The following SRRM1 variants were observed in gnomAD, a reference collection of about 807,000 sequenced individuals.
The protein encoded by SRRM1 is serine and arginine repetitive matrix 1, also known as serine/arginine repetitive matrix protein 1.
SRRM1 carries 19 observed loss-of-function variants against 110.2 expected under a neutral mutation model. That is an observed-to-expected ratio of 0.17 (90% confidence interval 0.12 to 0.25). SRRM1 has a LOEUF of 0.25. SRRM1 is among the 10% of genes least tolerant of loss of function. The pLI is 1.00. For missense variants in SRRM1, 918 were observed against 1,145.8 expected (o/e 0.80, Z 2.87); for synonymous variants, 443 against 414.9 (o/e 1.07, Z -0.82).
intron 13 of SRRM1, 146 bp downstream of exon 13, chr1:24,667,071 A>G: frequency 1.7e-6 from 1 of 594,000 alleles, no homozygotes; most frequent in Admixed American, 3.4e-5. Flanking sequence ...CATCATGCTT[A>G]TGAACTACAA....
intron 9 of SRRM1, among the ~76,000 whole-genome samples, chr1:24,658,448 A>T (rs182798732): frequency 1.3e-5 from 2 of 152,328 alleles, no homozygotes; most frequent in South Asian, 2.1e-4. Flanking sequence ...GCAACTCCAG[A>T]TGTGTATTTC....
chr1:24,670,428 AT>A, intron 15 of SRRM1, 113 bp downstream of exon 15: 2 of 1,108,210 alleles, frequency 1.8e-6, no homozygotes, highest in South Asian at 3.4e-5. Context: ...TTTTTTTCCC[AT>A]TTGTGAGTTA....
intron 3 of SRRM1, 191 bp from the exon 4 acceptor site, chr1:24,648,668 A>G (rs1658837925): frequency 6.1e-6 from 3 of 493,788 alleles, no homozygotes; most frequent in African/African-American, 2.0e-5. Flanking sequence ...GAATTTGGTA[A>G]TCTGTTAGAG....
At chr1:24,670,375 C>G in intron 15 of SRRM1, 60 bp downstream of exon 15, 1 of 1,454,858 alleles carries the variant, frequency 6.9e-7, no homozygotes, top group South Asian at 1.4e-5. Flanking sequence ...CACTTTGAAG[C>G]AGAGAAAATG....
Position 24,657,906 on chromosome 1 carries a change from G to C in SRRM1, c.1315+2777G>C, listed in dbSNP as rs142760253. ...CTTAAATGGTTATTTTACTATTGTT[G>C]GTCACAGAGTAACTTATCTTTATAA... On this transcript the variant is annotated intron_variant, in intron 9 of 16. Transcript: ENST00000323848. Among the ~76,000 whole-genome samples, 174 of 152,174 alleles carry C rather than the reference G, an allele frequency of 1.1e-3. 1 individual carries two copies. The highest frequency in any genetic ancestry group is 4.0e-3 in the African/African-American group (168 of 41,506).
Position 24,655,031 on chromosome 1 carries a change from C to A in SRRM1, c.1217C>A (p.Thr406Asn). ...RRRHRPSPPATPPPKTRHSPT... is the reference protein window; with the variant it reads ...RRRHRPSPPANPPPKTRHSPT... ...AGGCACAGGCCATCACCTCCTGCAA[C>A]TCCACCACCCAAAACTCGGCATTCC... Residue 406 changes from threonine to asparagine, a missense_variant, in exon 9 of 17, where the codon ACT becomes AAT. Physicochemically the swap from Thr to Asn is moderately conservative, Grantham distance 65. Coordinates refer to ENST00000323848, the MANE Select transcript of SRRM1 (RefSeq NM_005839.4). The A allele has an allele frequency of 6.2e-7, 1 of 1,614,212 alleles. No homozygotes were observed. Among genetic ancestry groups the A allele is most frequent in the Non-Finnish European group, 8.5e-7 (1 of 1,180,036 alleles).
chr1:24,659,702 T>C (rs1666148713), intron 9 of SRRM1, among the ~76,000 whole-genome samples: 2 of 152,182 alleles, frequency 1.3e-5, no homozygotes, highest in Non-Finnish European at 2.9e-5. Context: ...AAGCCTCAGG[T>C]TTCCTCTCTT....
intron 15 of SRRM1, among the ~76,000 whole-genome samples, chr1:24,670,662 TTTG>T (rs1374951007): frequency 6.6e-6 from 1 of 151,854 alleles, no homozygotes; most frequent in Admixed American, 6.6e-5. Flanking sequence ...TGGCTGGTTT[TTTG>T]TTTTTAACTT....
At chr1:24,671,052 T>G (rs1672474852) in intron 15 of SRRM1, among the ~76,000 whole-genome samples, 1 of 145,212 alleles carries the variant, frequency 6.9e-6, no homozygotes, top group Non-Finnish European at 1.5e-5. Context: ...ATGGGTGATT[T>G]ACAGATATTC....
chr1:24,652,173 T>C (rs997470141), intron 6 of SRRM1, among the ~76,000 whole-genome samples: 2 of 149,536 alleles, frequency 1.3e-5, no homozygotes, highest in African/African-American at 4.9e-5. Context: ...TGAGCCAAAA[T>C]CATGCCAGTA....
At chr1:24,652,029 A>AATATATACATATAT (rs1661026420) in intron 6 of SRRM1, among the ~76,000 whole-genome samples, 1 of 79,846 alleles carries the variant, frequency 1.3e-5, no homozygotes, top group South Asian at 5.1e-4. Flanking sequence ...CTGTACTAAA[A>AATATATACATATAT]ATATATATAT....
chr1:24,666,388 A>G (rs543967423), intron 12 of SRRM1, among the ~76,000 whole-genome samples: 1 of 152,284 alleles, frequency 6.6e-6, no homozygotes, highest in South Asian at 2.1e-4. Flanking sequence ...GAAACTTAGT[A>G]ACCATTGCTG....
At chr1:24,648,605 G>A (rs1281415672) in intron 3 of SRRM1, 12 of 315,542 alleles carry the variant, frequency 3.8e-5, no homozygotes, top group African/African-American at 8.6e-5. Context: ...AAATACTTAC[G>A]AAATCCACAA....
At chr1:24,671,925 TTTA>T (rs1365984971) in intron 16 of SRRM1, among the ~76,000 whole-genome samples, 9 of 152,146 alleles carry the variant, frequency 5.9e-5, no homozygotes, top group Non-Finnish European at 1.2e-4. Flanking sequence ...GTTTTTTAAT[TTTA>T]TTATTATTAT....
chr1:24,643,522 C>G (rs1655104013), intron 1 of SRRM1, 175 bp downstream of exon 1: 1 of 524,962 alleles, frequency 1.9e-6, no homozygotes, highest in Non-Finnish European at 3.2e-6. Context: ...GACCGGTGCG[C>G]CCCTGCGCAG....
At chr1:24,645,789 T>G (rs1657150054) in intron 1 of SRRM1, among the ~76,000 whole-genome samples, 195 bp from the exon 2 acceptor site, 2 of 152,266 alleles carry the variant, frequency 1.3e-5, no homozygotes, top group African/African-American at 4.8e-5. Flanking sequence ...GAACATATAC[T>G]TGATAATTTA....
chr1:24,672,028 G>A lies in SRRM1; in HGVS notation c.2611-154G>A, dbSNP rs191397736. Among the ~76,000 whole-genome samples, 737 of 151,810 alleles carry A rather than the reference G, an allele frequency of 4.9e-3. 6 individuals are homozygous for A. The highest frequency in any genetic ancestry group is 0.017 in the African/African-American group (689 of 41,386). On this transcript the variant is annotated intron_variant, in intron 16 of 16. Transcript: ENST00000323848. ...GTTGGTGTGCTGCACCCATTAACTC[G>A]TCGTTTAGCATTAGGTATATCCCTC...
intron 10 of SRRM1, 125 bp downstream of exon 10, chr1:24,660,924 AAGACTCT>A: frequency 1.7e-6 from 1 of 598,832 alleles, no homozygotes; most frequent in Non-Finnish European, 2.9e-6. Flanking sequence ...GGTAAGAGCT[AAGACTCT>A]GAAGGCAGAC....
At chr1:24,656,015 A>G (rs753551634) in intron 9 of SRRM1, among the ~76,000 whole-genome samples, 12 of 152,182 alleles carry the variant, frequency 7.9e-5, no homozygotes, top group Non-Finnish European at 1.5e-4. Context: ...TAAGGCAGGA[A>G]GATCACTTGA....
Sources: allele counts gnomAD v4.1 joint callset (sites outside exome capture counted in the v4.1 genomes callset), GRCh38; gene constraint gnomAD v4.1.1; transcripts MANE v1.5; gene names NCBI Gene and HGNC (gene_info 2026-07-23, HGNC 2026-07-21).